Variants in BARHL1 observed in about 807,000 individuals in gnomAD.
BARHL1 encodes the protein barH-like 1 homeobox protein.
A neutral mutation model predicts 20.1 loss-of-function variants in BARHL1; 2 were observed. That is an observed-to-expected ratio of 0.10 (90% confidence interval 0.04 to 0.31). The LOEUF (loss-of-function observed/expected upper bound fraction) is 0.31. Among genes scored for constraint, BARHL1 ranks in the 10% least tolerant of loss-of-function variants. The pLI, the probability that BARHL1 is intolerant of heterozygous loss-of-function variation, is 1.00. For missense variants in BARHL1, 397 were observed against 454.0 expected (o/e 0.87, Z 1.14); for synonymous variants, 213 against 209.9 (o/e 1.01, Z -0.13).
At position 132,587,342 on chromosome 9, in the gene BARHL1, C is replaced by T. The variant is rs1214378472; in HGVS notation, c.480C>T (p.Gly160=). 9.4e-6 allele frequency: 15 copies of T among 1,603,918 alleles called. No homozygotes were observed. Among genetic ancestry groups the T allele is most frequent in the Non-Finnish European group, 1.3e-5 (15 of 1,177,262 alleles). ...CTGTGTCCGCAGTGAAGGAGGAGGG[C>T]GACCGCGAGATCTCCAGCTCCAGGG... ...SDSEYKVKEE[G]DREISSSRDS... is the part of the protein sequence containing the mutation. Residue 160 remains glycine, a synonymous_variant, in exon 2 of 3, where the codon GGC becomes GGT. Transcript: ENST00000263610. The surrounding 1 kb of genome is among the most constrained non-coding windows in gnomAD (Gnocchi z 5.5).
chr9:132,588,492 C>T (rs1589938976), intron 2 of BARHL1, among the ~76,000 whole-genome samples: 1 of 152,154 alleles, frequency 6.6e-6, no homozygotes, highest in South Asian at 2.1e-4. Context: ...TGTGGCTGAG[C>T]CCACCTTAGT....
rs368177948 is a variant in BARHL1 at position 132,586,622 on chromosome 9, G to A, written c.467-707G>A. Among the ~76,000 whole-genome samples the A allele has an allele frequency of 3.3e-5, 5 of 152,264 alleles. No individual in the cohort carries two copies. In the East Asian group the frequency reaches 7.7e-4, roughly 23 times the overall value. On this transcript the variant is annotated intron_variant, in intron 1 of 2. Transcript: ENST00000263610. ...ACAACGGAACGCAGACCTGGGCAATGCGCGCTGCGCCCAAGGGGCAAGCGA... is the reference window on the plus strand; with the variant it reads ...ACAACGGAACGCAGACCTGGGCAATACGCGCTGCGCCCAAGGGGCAAGCGA...
At chr9:132,585,827 C>T (rs73560839) in intron 1 of BARHL1, among the ~76,000 whole-genome samples, 1 of 152,246 alleles carries the variant, frequency 6.6e-6, no homozygotes, top group East Asian at 1.9e-4. Context: ...ACGCAGACCT[C>T]GTCCCTGAGA....
rs891495484 is a variant in BARHL1, at chr9:132,589,109, A to C, written c.690-119A>C. 3.4e-6 allele frequency: 5 copies of C among 1,456,822 alleles called. No homozygotes were observed. The African/African-American group carries it at 7.2e-5, about 21-fold the overall frequency. The allele number at this position is 1,456,822 out of a possible 1,614,324, so 90.2% of individuals were successfully genotyped here. A position where few individuals can be genotyped will look rare whatever the true frequency, so the allele number is the denominator to read the frequency against. Reference sequence around the variant, plus strand: ...CCTGGCACTCGGTTATTTATTAACAAATGAGTACGATCCCTCTTGGCCTCC... The same window carrying C: ...CCTGGCACTCGGTTATTTATTAACACATGAGTACGATCCCTCTTGGCCTCC... On this transcript the variant is annotated intron_variant, in intron 2 of 2. Transcript: ENST00000263610.
chr9:132,587,342 C>A lies in BARHL1; in HGVS notation c.480C>A (p.Gly160=). The stretch of plus-strand genomic sequence containing the variant: ...CTGTGTCCGCAGTGAAGGAGGAGGG[C>A]GACCGCGAGATCTCCAGCTCCAGGG... The part of the protein sequence containing the change: ...SDSEYKVKEE[G]DREISSSRDS... The change falls in exon 2 of 3, where the codon GGC becomes GGA. Residue 160 remains glycine, a synonymous_variant. Coordinates refer to ENST00000263610, the MANE Select transcript of BARHL1 (RefSeq NM_020064.4). The surrounding 1 kb of genome is among the most constrained non-coding windows in gnomAD (Gnocchi z 5.5). The A allele has an allele frequency of 6.2e-7, 1 of 1,604,036 alleles. No individual in the cohort carries two copies. Among genetic ancestry groups the A allele is most frequent in the South Asian group, 1.1e-5 (1 of 88,762 alleles).
intron 1 of BARHL1, among the ~76,000 whole-genome samples, chr9:132,585,610 C>A (rs1254764483): frequency 2.6e-5 from 4 of 152,118 alleles, no homozygotes; most frequent in Non-Finnish European, 5.9e-5. Flanking sequence ...GCCTGGAACT[C>A]GGGGACACTG....
Position 132,589,674 on chromosome 9 carries a change from A to C in BARHL1, c.*152A>C. The C allele has an allele frequency of 2.8e-6, 3 of 1,070,862 alleles. No individual in the cohort carries two copies. Among genetic ancestry groups the C allele is most frequent in the Non-Finnish European group, 3.5e-6 (3 of 849,522 alleles). The allele number at this position is 1,070,862 out of a possible 1,614,324, so 66.3% of individuals were successfully genotyped here. A position where few individuals can be genotyped will look rare whatever the true frequency, so the allele number is the denominator to read the frequency against. On this transcript the variant is annotated 3_prime_UTR_variant, in exon 3 of 3. Coordinates refer to ENST00000263610, the MANE Select transcript of BARHL1 (RefSeq NM_020064.4). Reference sequence around the variant, plus strand: ...AGCCCAGTGCCCCCCGAAGGGCCAAATGCCAAGTCCACTGAGGCCCGGACC... The same window carrying C: ...AGCCCAGTGCCCCCCGAAGGGCCAACTGCCAAGTCCACTGAGGCCCGGACC...
intron 2 of BARHL1, among the ~76,000 whole-genome samples, chr9:132,588,274 TCACA>T (rs1830165044): frequency 6.6e-6 from 1 of 152,020 alleles, no homozygotes; most frequent in Non-Finnish European, 1.5e-5. Flanking sequence ...CAACTTGCAG[TCACA>T]CACGCACGCA....
rs919585286 is a variant in BARHL1, at chr9:132,587,312, T to G, written c.467-17T>G. On this transcript the variant is annotated splice_polypyrimidine_tract_variant and intron_variant, in intron 1 of 2. Coordinates refer to ENST00000263610, the MANE Select transcript of BARHL1 (RefSeq NM_020064.4). The surrounding 1 kb of genome is among the most constrained non-coding windows in gnomAD (Gnocchi z 5.5). ...GCGGCTGCGAGGCCGGGCCCTGACA[T>G]GCCGCTGTGTCCGCAGTGAAGGAGG... The G allele has an allele frequency of 6.3e-7, 1 of 1,584,442 alleles. No individual in the cohort carries two copies. Among genetic ancestry groups the G allele is most frequent in the South Asian group, 1.2e-5 (1 of 86,506 alleles).
chr9:132,589,389 G>A lies in BARHL1; in HGVS notation c.851G>A (p.Ser284Asn), dbSNP rs925812608. The A allele has an allele frequency of 2.5e-6, 4 of 1,612,464 alleles. No individual in the cohort carries two copies. Among genetic ancestry groups the A allele is most frequent in the Admixed American group, 1.7e-5 (1 of 59,932 alleles). ...GCGCTCTACCTGTACCGCGGCCCCA[G>A]CGCGCCGCCGCCTGCTCTCCAGAGA... ...GAALYLYRGPSAPPPALQRPL... is the reference protein window; with the variant it reads ...GAALYLYRGPNAPPPALQRPL... The change falls in exon 3 of 3, where the codon AGC becomes AAC. Residue 284 changes from serine to asparagine, a missense_variant. Transcript: ENST00000263610.
intron 2 of BARHL1, among the ~76,000 whole-genome samples, chr9:132,588,934 G>A (rs796645466): frequency 2.0e-5 from 3 of 152,274 alleles, no homozygotes; most frequent in African/African-American, 4.8e-5. Flanking sequence ...TTAGAGCCGG[G>A]CTTTGGGGTC....
chr9:132,586,821 C>G (rs558352282), intron 1 of BARHL1, among the ~76,000 whole-genome samples: 4 of 152,372 alleles, frequency 2.6e-5, no homozygotes, highest in African/African-American at 9.6e-5. Context: ...AAGAGTGATT[C>G]CGGAGAGAGC....
chr9:132,583,934 C>T (rs917798059), intron 1 of BARHL1, among the ~76,000 whole-genome samples: 2 of 152,196 alleles, frequency 1.3e-5, no homozygotes, highest in African/African-American at 4.8e-5. Flanking sequence ...ATTTTAAGTG[C>T]CTTGAGCAAC....
Position 132,582,721 on chromosome 9 carries a change from G to A in BARHL1, c.-77G>A. 7.5e-7 allele frequency: 1 copy of A among 1,333,138 alleles called. No homozygotes were observed. The highest frequency in any genetic ancestry group is 1.0e-6 in the Non-Finnish European group (1 of 978,890). The allele number at this position is 1,333,138 out of a possible 1,614,324, so 82.6% of individuals were successfully genotyped here. On this transcript the variant is annotated 5_prime_UTR_variant, in exon 1 of 3. Transcript: ENST00000263610. ...CCCGCCTTCCCCATGCCAGCCCGCA[G>A]CTAGGGGCAGGGGCAGCGGCGGCTG...
intron 1 of BARHL1, among the ~76,000 whole-genome samples, chr9:132,585,602 C>T (rs1379467076): frequency 6.6e-6 from 1 of 152,140 alleles, no homozygotes; most frequent in African/African-American, 2.4e-5. Flanking sequence ...GTGAATGGGC[C>T]TGGAACTCGG....
intron 2 of BARHL1, among the ~76,000 whole-genome samples, chr9:132,588,653 G>T (rs993025057): frequency 6.6e-6 from 1 of 152,144 alleles, no homozygotes; most frequent in Non-Finnish European, 1.5e-5. Context: ...CTGGAGGATG[G>T]CAGGTGCAGC....
chr9:132,585,182 AG>A (rs1403928353), intron 1 of BARHL1, among the ~76,000 whole-genome samples: 2 of 152,168 alleles, frequency 1.3e-5, no homozygotes, highest in South Asian at 2.1e-4. Context: ...TTTGGAGCGA[AG>A]GGGGTAGAAG....
intron 2 of BARHL1, 84 bp from the exon 3 acceptor site, chr9:132,589,144 C>A: frequency 1.3e-6 from 2 of 1,518,696 alleles, no homozygotes; most frequent in Non-Finnish European, 1.8e-6. Context: ...CCTACAGGCT[C>A]TCTGGGCCAA....
chr9:132,588,798 C>T (rs75864197), intron 2 of BARHL1, among the ~76,000 whole-genome samples: 1 of 36,990 alleles, frequency 2.7e-5, no homozygotes, highest in Non-Finnish European at 8.3e-5. Flanking sequence ...CTGAAGAGCA[C>T]CCCCCCATCC....
Sources: gnomAD v4.1 joint callset for allele counts (sites outside exome capture counted in the v4.1 genomes callset) on GRCh38, gnomAD v4.1.1 for gene constraint, Gnocchi (gnomAD v3.1) non-coding constraint, MANE v1.5 for transcripts, NCBI Gene and HGNC (gene_info 2026-07-23, HGNC 2026-07-21) for gene names.